The following TRAPPC6B variants were observed in gnomAD, a reference collection of about 807,000 sequenced individuals.
TRAPPC6B encodes TRAPP complex subunit 6B.
Under a neutral mutation model 24.7 loss-of-function variants are expected in TRAPPC6B, and 27 were observed. That is an observed-to-expected ratio of 1.09 (90% CI 0.81 to 1.51). The LOEUF (loss-of-function observed/expected upper bound fraction) is 1.51. TRAPPC6B is among the 40% of genes most tolerant of loss of function. TRAPPC6B has a pLI of 0.00. For synonymous variants in TRAPPC6B, 80 were observed against 66.6 expected, an observed-to-expected ratio of 1.20 and a Z score of -0.98; for missense variants, 212 against 190.8, an observed-to-expected ratio of 1.11 and a Z score of -0.66.
chr14:39,168,242 A>T (rs116472993), intron 1 of TRAPPC6B, among the ~76,000 whole-genome samples: 4,319 of 149,908 alleles, frequency 0.029, 206 homozygotes, highest in African/African-American at 0.099. Flanking sequence ...AGAGAGAGAG[A>T]AGAGGAAAGG....
chr14:39,159,448 A>G (rs761029351), intron 2 of TRAPPC6B, 35 bp downstream of exon 2: 8 of 1,496,258 alleles, frequency 5.3e-6, no homozygotes, highest in Non-Finnish European at 6.4e-6. Flanking sequence ...TTTATAACCT[A>G]CCTGCAAGAA....
At chr14:39,169,727 G>T (rs2053145069) in intron 1 of TRAPPC6B, among the ~76,000 whole-genome samples, 1 of 152,132 alleles carries the variant, frequency 6.6e-6, no homozygotes. Context: ...GTAAATAATG[G>T]CAGGGACAAC....
At chr14:39,159,378 C>T in intron 2 of TRAPPC6B, 105 bp downstream of exon 2, 1 of 705,658 alleles carries the variant, frequency 1.4e-6, no homozygotes, top group Non-Finnish European at 2.2e-6. Flanking sequence ...GAATAACATT[C>T]AGGAATTAAA....
intron 3 of TRAPPC6B, 44 bp from the exon 4 acceptor site, chr14:39,154,338 C>T: frequency 8.9e-7 from 1 of 1,118,258 alleles, no homozygotes. Flanking sequence ...ATGTACCTAG[C>T]AGTCCTTAAA....
At chr14:39,157,402 T>C (rs565936341) in intron 3 of TRAPPC6B, 5 of 331,648 alleles carry the variant, frequency 1.5e-5, no homozygotes, top group South Asian at 1.1e-4. Flanking sequence ...GCAGAGGCTA[T>C]TGGCCCGGGC....
intron 1 of TRAPPC6B, among the ~76,000 whole-genome samples, chr14:39,166,103 CTTTT>C (rs113849851): frequency 1.4e-5 from 2 of 146,290 alleles, no homozygotes; most frequent in South Asian, 4.3e-4. Context: ...TGTCCAGCCT[CTTTT>C]TTTTTTTATT....
At chr14:39,168,780 CCT>C (rs1466772231) in intron 1 of TRAPPC6B, among the ~76,000 whole-genome samples, 1 of 152,108 alleles carries the variant, frequency 6.6e-6, no homozygotes, top group Non-Finnish European at 1.5e-5. Context: ...TCTCACTATC[CCT>C]GTCTTAATCC....
intron 4 of TRAPPC6B, among the ~76,000 whole-genome samples, chr14:39,152,130 C>T (rs1011469546): frequency 6.6e-6 from 1 of 152,168 alleles, no homozygotes; most frequent in Non-Finnish European, 1.5e-5. Flanking sequence ...AGAATTAGTT[C>T]TGGAGGCAGT....
In TRAPPC6B at chr14:39,148,635, C is replaced by T; in HGVS notation, c.*1715G>A. On this transcript the variant is annotated 3_prime_UTR_variant, in exon 6 of 6. Transcript: ENST00000330149. ...TTTTGATCTACTTCTGTGTCATTAGCTATTCCTGGGTCATTATGACTTTTA... is the reference window on the plus strand; with the variant it reads ...TTTTGATCTACTTCTGTGTCATTAGTTATTCCTGGGTCATTATGACTTTTA... 2.5e-6 allele frequency: 1 copy of T among 398,406 alleles called. No individual in the cohort carries two copies. The highest frequency in any genetic ancestry group is 4.4e-5 in the Admixed American group (1 of 22,732). The allele number at this position is 398,406 out of a possible 1,614,324, so 24.7% of individuals were successfully genotyped here.
chr14:39,160,313 C>T (rs2053040566), intron 1 of TRAPPC6B, among the ~76,000 whole-genome samples: 1 of 152,016 alleles, frequency 6.6e-6, no homozygotes, highest in Non-Finnish European at 1.5e-5. Context: ...CACGGTGGCT[C>T]ATGCCTGTAA....
chr14:39,163,433 T>C (rs566024911), intron 1 of TRAPPC6B, among the ~76,000 whole-genome samples: 5 of 150,168 alleles, frequency 3.3e-5, no homozygotes, highest in Admixed American at 6.6e-5. Context: ...GCAAATTCTC[T>C]AGTCCCACTC....
At chr14:39,153,673 T>C (rs1248738601) in intron 4 of TRAPPC6B, among the ~76,000 whole-genome samples, 1 of 151,150 alleles carries the variant, frequency 6.6e-6, no homozygotes, top group Non-Finnish European at 1.5e-5. Context: ...TACATTTCAC[T>C]GTCATTTAGT....
intron 1 of TRAPPC6B, among the ~76,000 whole-genome samples, chr14:39,160,450 T>A (rs1039160496): frequency 6.6e-6 from 1 of 151,904 alleles, no homozygotes; most frequent in African/African-American, 2.4e-5. Context: ...CATGGTAGCA[T>A]GTGCCATTTT....
intron 1 of TRAPPC6B, among the ~76,000 whole-genome samples, chr14:39,165,865 A>G (rs1356547537): frequency 1.5e-5 from 2 of 134,578 alleles, no homozygotes; most frequent in East Asian, 3.9e-4. Context: ...GTGCAGTGAC[A>G]CAATCTCGGC....
At chr14:39,154,169 CCTA>C (rs2052948864) in intron 4 of TRAPPC6B, 39 bp downstream of exon 4, 3 of 1,227,884 alleles carry the variant, frequency 2.4e-6, no homozygotes, top group Non-Finnish European at 3.6e-6. Flanking sequence ...TCCCTGTAGT[CCTA>C]CTATTAACAA....
At position 39,150,674 on chromosome 14, in the gene TRAPPC6B, G is replaced by A. The variant is rs186310530; in HGVS notation, c.446-293C>T. Among the ~76,000 whole-genome samples the A allele has an allele frequency of 3.1e-3, 475 of 152,214 alleles. 3 individuals carry two copies. Among genetic ancestry groups the A allele is most frequent in the Non-Finnish European group, 4.7e-3 (318 of 67,994 alleles). On this transcript the variant is annotated intron_variant, in intron 5 of 5. Transcript: ENST00000330149. ...CTGCCTCAGCCTCCTGAGTAGCTGGGACTACAGGCGTCTGTCACCACGCCC... is the reference window on the plus strand; with the variant it reads ...CTGCCTCAGCCTCCTGAGTAGCTGGAACTACAGGCGTCTGTCACCACGCCC...
At chr14:39,150,551 T>C (rs2052899399) in intron 5 of TRAPPC6B, among the ~76,000 whole-genome samples, 170 bp from the exon 6 acceptor site, 1 of 152,200 alleles carries the variant, frequency 6.6e-6, no homozygotes. Flanking sequence ...TTTTTTCTTT[T>C]TTTTTGAGAT....
Position 39,150,246 on chromosome 14 carries a change from C to T in TRAPPC6B, c.*104G>A. 1 of 959,640 alleles carries T rather than the reference C, an allele frequency of 1.0e-6. No homozygotes were observed. The highest frequency in any genetic ancestry group is 1.6e-6 in the Non-Finnish European group (1 of 638,832). The allele number at this position is 959,640 out of a possible 1,614,324, so 59.4% of individuals were successfully genotyped here. ...AATTGATAAAAATACATGCTTACTCCTGTACAAACATCGAACAATGTAATT... is the reference window on the plus strand; with the variant it reads ...AATTGATAAAAATACATGCTTACTCTTGTACAAACATCGAACAATGTAATT... On this transcript the variant is annotated 3_prime_UTR_variant, in exon 6 of 6. Transcript: ENST00000330149.
chr14:39,151,725 A>G, intron 5 of TRAPPC6B, 21 bp downstream of exon 5: 4 of 1,523,878 alleles, frequency 2.6e-6, no homozygotes, highest in Non-Finnish European at 3.5e-6. Flanking sequence ...AACATTTGTA[A>G]GAAAGGCGAA....
Sources: allele counts gnomAD v4.1 joint callset (sites outside exome capture counted in the v4.1 genomes callset), GRCh38; gene constraint gnomAD v4.1.1; transcripts MANE v1.5; gene names NCBI Gene and HGNC (gene_info 2026-07-23, HGNC 2026-07-21).